Variants in LHPP observed in about 807,000 individuals in gnomAD.
LHPP encodes the protein hLHPP.
Under a neutral mutation model 30.3 loss-of-function variants are expected in LHPP, and 24 were observed. The observed-to-expected ratio is 0.79, with a 90% confidence interval of 0.57 to 1.11. The LOEUF is 1.11. LHPP is among the 50% of genes most tolerant of loss of function. LHPP has a pLI of 0.00. For missense variants in LHPP, 356 were observed against 367.2 expected (o/e 0.97, Z 0.25); for synonymous variants, 150 against 157.1 (o/e 0.95, Z 0.34).
chr10:124,491,833 G>A (rs1376992940), intron 3 of LHPP, among the ~76,000 whole-genome samples: 1 of 152,214 alleles, frequency 6.6e-6, no homozygotes, highest in Non-Finnish European at 1.5e-5. Flanking sequence ...GCTGACGCAT[G>A]AGAATTGCTT....
chr10:124,525,405 C>T (rs937884154), intron 6 of LHPP, among the ~76,000 whole-genome samples: 3 of 152,210 alleles, frequency 2.0e-5, no homozygotes, highest in Non-Finnish European at 2.9e-5. Flanking sequence ...TGAGGCCAGA[C>T]GGGTTTATGC....
intron 4 of LHPP, 119 bp downstream of exon 4, chr10:124,497,143 AC>A: frequency 1.3e-6 from 1 of 773,372 alleles, no homozygotes; most frequent in Non-Finnish European, 2.1e-6. Flanking sequence ...TTGGGCTTCC[AC>A]AAAGGCTGCC....
In LHPP at chr10:124,592,148, T is replaced by C. The variant is rs1948888459; in HGVS notation, c.717-21116T>C. On this transcript the variant is annotated intron_variant, in intron 6 of 6. Coordinates refer to ENST00000368842, the MANE Select transcript of LHPP (RefSeq NM_022126.4). This position sits in a 1 kb window ranked among gnomAD's most constrained non-coding sequence, Gnocchi z 6.2. The stretch of plus-strand genomic sequence containing the variant: ...AACTGCAGTATAAAGCCCCATTTGC[T>C]GGCACAGTGTGGTCTGGCCTGTGAC... Among the ~76,000 whole-genome samples, 1 of 152,198 alleles carries C rather than the reference T, an allele frequency of 6.6e-6. No individual in the cohort carries two copies. Among genetic ancestry groups the C allele is most frequent in the South Asian group, 2.1e-4 (1 of 4,834 alleles).
In LHPP at chr10:124,473,094, T is replaced by G. The variant is rs572567103; in HGVS notation, c.126-11045T>G. Among the ~76,000 whole-genome samples the G allele has an allele frequency of 4.7e-3, 713 of 152,154 alleles. 6 individuals carry two copies. Among genetic ancestry groups the G allele is most frequent in the African/African-American group, 0.017 (691 of 41,496 alleles). On this transcript the variant is annotated intron_variant, in intron 1 of 6. Transcript: ENST00000368842. ...CTGTGAAAATCAAGGGCAGCCAGGG[T>G]GGGTCTGGCACAGGATTATTGGTTT...
In LHPP at chr10:124,497,936, C is replaced by T. The variant is rs916061560; in HGVS notation, c.532-100C>T. On this transcript the variant is annotated intron_variant, in intron 4 of 6. Transcript: ENST00000368842. ...CACAGCATCCTGCTTCTTCAAGGCC[C>T]TTGACTCTTGGGGGCACATTTGGGA... 8 of 948,804 alleles carry T rather than the reference C, an allele frequency of 8.4e-6. No individual in the cohort carries two copies. In the African/African-American group the frequency reaches 1.3e-4, roughly 15 times the overall value. The allele number at this position is 948,804 out of a possible 1,614,324, so 58.8% of individuals were successfully genotyped here. A position where few individuals can be genotyped will look rare whatever the true frequency, so the allele number is the denominator to read the frequency against.
intron 6 of LHPP, among the ~76,000 whole-genome samples, chr10:124,581,523 C>T (rs976556579): frequency 6.6e-6 from 1 of 152,150 alleles, no homozygotes; most frequent in Non-Finnish European, 1.5e-5. Flanking sequence ...TACATTCCCA[C>T]CAGTAGTGTA....
At chr10:124,469,916 C>G (rs886733922) in intron 1 of LHPP, among the ~76,000 whole-genome samples, 2 of 152,114 alleles carry the variant, frequency 1.3e-5, no homozygotes, top group African/African-American at 4.8e-5. Flanking sequence ...GGATGCTGAG[C>G]GAGCCAGCCA....
At chr10:124,578,438 A>G (rs1007988178) in intron 6 of LHPP, among the ~76,000 whole-genome samples, 3 of 152,030 alleles carry the variant, frequency 2.0e-5, no homozygotes, top group African/African-American at 4.8e-5. Context: ...TCATTCATCC[A>G]TTCATTTATT....
At chr10:124,564,035 C>G (rs919229690) in intron 6 of LHPP, among the ~76,000 whole-genome samples, 2 of 152,100 alleles carry the variant, frequency 1.3e-5, no homozygotes, top group African/African-American at 4.8e-5. Context: ...CAACTTCGAA[C>G]TCCTGGGCTC....
chr10:124,487,285 ACC>A (rs1389915885), intron 2 of LHPP, among the ~76,000 whole-genome samples: 33 of 151,900 alleles, frequency 2.2e-4, no homozygotes, highest in Admixed American at 9.2e-4. Flanking sequence ...ATTCTGCCAG[ACC>A]TTTTTTTCAG....
chr10:124,533,557 G>A (rs1436966727), intron 6 of LHPP, among the ~76,000 whole-genome samples: 4 of 152,232 alleles, frequency 2.6e-5, no homozygotes, highest in South Asian at 2.1e-4. Context: ...GATTGGAAAC[G>A]TTGACTTTTC....
rs921566997 is a variant in LHPP at position 124,510,326 on chromosome 10, C to T, written c.625-6854C>T. Among the ~76,000 whole-genome samples, 3 of 152,248 alleles carry T rather than the reference C, an allele frequency of 2.0e-5. No individual in the cohort carries two copies. Among genetic ancestry groups the T allele is most frequent in the African/African-American group, 7.2e-5 (3 of 41,460 alleles). The stretch of plus-strand genomic sequence containing the variant: ...TGGGAATCCCCTGGGGTCCTGAGCG[C>T]ACTTTGGTATGCGGAGCCCACAAGC... On this transcript the variant is annotated intron_variant, in intron 5 of 6. Transcript: ENST00000368842. The surrounding 1 kb of genome is among the most constrained non-coding windows in gnomAD (Gnocchi z 4.0).
intron 6 of LHPP, among the ~76,000 whole-genome samples, chr10:124,608,239 A>G (rs1193039249): frequency 1.3e-5 from 2 of 152,012 alleles, no homozygotes; most frequent in South Asian, 2.1e-4. Flanking sequence ...TGCCCCATGT[A>G]GCCCACACAT....
chr10:124,554,052 C>T (rs1303820797), intron 6 of LHPP: 2 of 985,360 alleles, frequency 2.0e-6, no homozygotes, highest in African/African-American at 1.7e-5. Context: ...AGGCCTCGAG[C>T]CTGTAGTTGC....
chr10:124,610,789 T>C (rs376233950), intron 6 of LHPP, among the ~76,000 whole-genome samples: 5 of 66,776 alleles, frequency 7.5e-5, no homozygotes, highest in Admixed American at 1.5e-4. Context: ...ATGGAGCGGG[T>C]GAGGGTGCGG....
At chr10:124,502,756 C>G (rs1953947275) in intron 5 of LHPP, among the ~76,000 whole-genome samples, 1 of 147,354 alleles carries the variant, frequency 6.8e-6, no homozygotes, top group Non-Finnish European at 1.5e-5. Flanking sequence ...TCACTGCAAC[C>G]TCCTCCACCT....
intron 6 of LHPP, chr10:124,605,354 C>G (rs1949077928): frequency 1.3e-5 from 2 of 152,242 alleles, no homozygotes; most frequent in African/African-American, 4.8e-5. Context: ...GAAACCTGGC[C>G]TGTCCCTCCA....
intron 5 of LHPP, among the ~76,000 whole-genome samples, chr10:124,514,067 A>G (rs1468070150): frequency 6.6e-6 from 1 of 152,198 alleles, no homozygotes; most frequent in Non-Finnish European, 1.5e-5. Context: ...GTCCTGAAGG[A>G]GCTCCTACTT....
chr10:124,580,689 A>G (rs1948731676), intron 6 of LHPP, among the ~76,000 whole-genome samples: 1 of 150,656 alleles, frequency 6.6e-6, no homozygotes, highest in African/African-American at 2.4e-5. Flanking sequence ...CATCGCTATC[A>G]GTCAATTTTA....
Sources: gnomAD v4.1 joint callset for allele counts (sites outside exome capture counted in the v4.1 genomes callset) on GRCh38, gnomAD v4.1.1 for gene constraint, Gnocchi (gnomAD v3.1) non-coding constraint, MANE v1.5 for transcripts, NCBI Gene and HGNC (gene_info 2026-07-23, HGNC 2026-07-21) for gene names.